The following MAF variants were observed in gnomAD, a reference collection of about 807,000 sequenced individuals.
The protein encoded by MAF is transcription factor Maf.
Under a neutral mutation model 22.0 loss-of-function variants are expected in MAF, and 10 were observed. The observed-to-expected ratio is 0.45, with a 90% CI of 0.28 to 0.77. The LOEUF (loss-of-function observed/expected upper bound fraction) is 0.77, where lower values mean the gene tolerates loss of function less well. Ranked by LOEUF, MAF falls within the 30% of genes least tolerant of loss-of-function variation. MAF has a pLI of 0.12. For synonymous variants in MAF, 337 were observed against 255.8 expected (o/e 1.32, Z -3.03); for missense variants, 544 against 548.4 (o/e 0.99, Z 0.08).
the MAF span, among the ~76,000 whole-genome samples, chr16:79,554,525 G>C: frequency 1.3e-5 from 2 of 152,176 alleles, no homozygotes; most frequent in African/African-American, 4.8e-5. Context: ...TTAGAAAAGA[G>C]CATGTAACAA....
the MAF span, among the ~76,000 whole-genome samples, chr16:79,387,226 C>T: frequency 3.3e-5 from 5 of 152,178 alleles, no homozygotes; most frequent in Non-Finnish European, 5.9e-5. Flanking sequence ...TGAAGGGGGC[C>T]TGGGTGCTGC....
At chr16:79,258,807 C>T in the MAF span, among the ~76,000 whole-genome samples, 1 of 152,136 alleles carries the variant, frequency 6.6e-6, no homozygotes, top group East Asian at 1.9e-4. Context: ...TAGTGAAGCC[C>T]CCAGCCCACC....
At chr16:79,595,093 C>T (rs1359714116) in intron 1 of MAF, 12 of 1,038,794 alleles carry the variant, frequency 1.2e-5, no homozygotes, top group Non-Finnish European at 1.4e-5. Context: ...TCTGCTTCTT[C>T]AGAGTTTGTG....
At chr16:79,357,288 C>CAACAA in the MAF span, among the ~76,000 whole-genome samples, 2 of 133,578 alleles carry the variant, frequency 1.5e-5, no homozygotes, top group African/African-American at 6.9e-5. Context: ...ACAACAACAA[C>CAACAA]AACAACAACA....
chr16:79,211,920 G>A, the MAF span: 40 of 1,543,480 alleles, frequency 2.6e-5, no homozygotes, highest in Non-Finnish European at 3.5e-5. Context: ...GGAAATAAGA[G>A]CAGTCACAAC....
the MAF span, among the ~76,000 whole-genome samples, chr16:79,533,151 CA>C: frequency 4.6e-5 from 7 of 152,168 alleles, no homozygotes; most frequent in African/African-American, 7.2e-5. Flanking sequence ...AGCCATGGAT[CA>C]AGAACATTAG....
At chr16:79,581,975 A>G (rs543465937), downstream of MAF, among the ~76,000 whole-genome samples, 4 of 152,160 alleles carry the variant, frequency 2.6e-5, no homozygotes, top group African/African-American at 7.2e-5. Flanking sequence ...GTGAAATTTT[A>G]TAAGTGCTAA....
At chr16:79,212,801 G>A in the MAF span, 7 of 152,160 alleles carry the variant, frequency 4.6e-5, no homozygotes, top group South Asian at 2.1e-4. Context: ...AGGAAAACAC[G>A]ATTCTTGTTT....
At chr16:79,226,702 G>A in the MAF span, among the ~76,000 whole-genome samples, 1 of 152,002 alleles carries the variant, frequency 6.6e-6, no homozygotes, top group Non-Finnish European at 1.5e-5. Context: ...TCTGGGTAGA[G>A]GACATGTGGA....
chr16:79,392,213 AAAG>A, the MAF span, among the ~76,000 whole-genome samples: 27 of 146,688 alleles, frequency 1.8e-4, 1 homozygote, highest in Middle Eastern at 3.7e-3. Flanking sequence ...GAGAGAGGAG[AAAG>A]AAAAAGAGAA....
the MAF span, among the ~76,000 whole-genome samples, chr16:79,336,837 A>T: frequency 6.6e-6 from 1 of 152,230 alleles, no homozygotes; most frequent in African/African-American, 2.4e-5. Flanking sequence ...TGGAGCTACA[A>T]ATTAATGAAT....
At chr16:79,352,953 T>C in the MAF span, among the ~76,000 whole-genome samples, 1 of 152,252 alleles carries the variant, frequency 6.6e-6, no homozygotes, top group East Asian at 1.9e-4. Context: ...ATCAACTCAA[T>C]ATATGTCAGT....
chr16:79,566,993 A>C, the MAF span, among the ~76,000 whole-genome samples: 1 of 152,172 alleles, frequency 6.6e-6, no homozygotes. Flanking sequence ...GGATGAAGTA[A>C]ATGCATATAA....
chr16:79,598,409 G>A, intron 1 of MAF: 2 of 1,060,800 alleles, frequency 1.9e-6, no homozygotes, highest in Non-Finnish European at 2.4e-6. Flanking sequence ...GAACTCTGCT[G>A]AGATCATTGA....
rs1567566853 is a variant in MAF at position 79,599,137 on chromosome 16, G to T, written c.766C>A (p.His256Asn). 1 of 1,574,816 alleles carries T rather than the reference G, an allele frequency of 6.3e-7. No homozygotes were observed. Among genetic ancestry groups the T allele is most frequent in the East Asian group, 2.3e-5 (1 of 43,464 alleles). The change falls in exon 1 of 2, where the codon CAC becomes AAC. Residue 256 changes from histidine to asparagine, a missense_variant. This residue lies in a region of MAF where 342 missense variants were observed against 315.5 expected (regional missense o/e 1.08). Coordinates refer to ENST00000326043, the MANE Select transcript of MAF (RefSeq NM_005360.5). The part of the protein sequence containing the change: ...LHPHHAAGGL[H>N]FDDRFSDEQL... ...TCGTCGGAGAAGCGGTCGTCGAAGTGCAGGCCGCCGGCGGCGTGGTGCGGG... is the reference window on the plus strand; with the variant it reads ...TCGTCGGAGAAGCGGTCGTCGAAGTTCAGGCCGCCGGCGGCGTGGTGCGGG...
At chr16:79,384,661 G>T in the MAF span, among the ~76,000 whole-genome samples, 1 of 152,046 alleles carries the variant, frequency 6.6e-6, no homozygotes, top group Non-Finnish European at 1.5e-5. Flanking sequence ...GGAGGCTGAG[G>T]CAGGAGAATG....
At chr16:79,304,950 C>A in the MAF span, among the ~76,000 whole-genome samples, 1 of 151,966 alleles carries the variant, frequency 6.6e-6, no homozygotes, top group African/African-American at 2.4e-5. Flanking sequence ...GTTTCTAGAA[C>A]CACCAGCTCA....
chr16:79,243,289 A>C, the MAF span, among the ~76,000 whole-genome samples: 1 of 151,806 alleles, frequency 6.6e-6, no homozygotes, highest in South Asian at 2.1e-4. Flanking sequence ...TTATTTTTTT[A>C]TTTTTGTTTT....
At chr16:79,494,862 A>T in the MAF span, among the ~76,000 whole-genome samples, 2 of 151,992 alleles carry the variant, frequency 1.3e-5, no homozygotes, top group African/African-American at 4.8e-5. Context: ...GGTTCCCAAG[A>T]CTCCCTCCTT....
Sources: gnomAD v4.1 joint callset for allele counts (sites outside exome capture counted in the v4.1 genomes callset) on GRCh38, gnomAD v4.1.1 for gene constraint, gnomAD v4.1.1 regional missense constraint, MANE v1.5 for transcripts, NCBI Gene and HGNC (gene_info 2026-07-23, HGNC 2026-07-21) for gene names.